ADD1: variants seen among roughly 807,000 people sequenced by gnomAD.
ADD1 encodes adducin 1, also known as alpha-adducin.
Under a neutral mutation model 80.5 loss-of-function variants are expected in ADD1, and 24 were observed. The ratio of observed to expected loss-of-function variants is 0.30; its 90% CI spans 0.22 to 0.42. The LOEUF is 0.42. ADD1 is among the 10% of genes least tolerant of loss of function. The probability of loss-of-function intolerance (pLI) is 1.00; values close to 1 mark genes in which losing one functional copy is unlikely to be tolerated. For synonymous variants in ADD1, 373 were observed against 393.8 expected (o/e 0.95, Z 0.63); for missense variants, 948 against 1,019.0 (o/e 0.93, Z 0.95).
intron 1 of ADD1, among the ~76,000 whole-genome samples, chr4:2,852,204 T>TTTTTCTTTCTTTCTTTCTTTCCTTTCC (rs1727287046): frequency 6.1e-5 from 3 of 49,132 alleles, no homozygotes; most frequent in African/African-American, 2.4e-4. Context: ...CTTTCCTTTC[T>TTTTTCTTTCTTTCTTTCTTTCCTTTCC]TTCCTTTCCT....
intron 1 of ADD1, among the ~76,000 whole-genome samples, chr4:2,847,675 C>T (rs1726455742): frequency 6.6e-6 from 1 of 152,120 alleles, no homozygotes; most frequent in Non-Finnish European, 1.5e-5. Flanking sequence ...GACATGTGCC[C>T]AAGGTGGTTG....
At chr4:2,914,058 C>CAAAAAAAAAAAAAA (rs775339952) in intron 13 of ADD1, among the ~76,000 whole-genome samples, 33 of 120,538 alleles carry the variant, frequency 2.7e-4, no homozygotes, top group Admixed American at 5.9e-4. Flanking sequence ...GACTCCGTCT[C>CAAAAAAAAAAAAAA]AAAAAAAAAA....
chr4:2,914,069 AAAAAG>A (rs1738550661), intron 13 of ADD1, among the ~76,000 whole-genome samples: 1 of 151,774 alleles, frequency 6.6e-6, no homozygotes, highest in Non-Finnish European at 1.5e-5. Flanking sequence ...AAAAAAAAAA[AAAAAG>A]AAGTGAGCTC....
At chr4:2,852,843 A>T (rs967785027) in intron 1 of ADD1, among the ~76,000 whole-genome samples, 1 of 151,016 alleles carries the variant, frequency 6.6e-6, no homozygotes, top group African/African-American at 2.4e-5. Flanking sequence ...GGGCCTGCAG[A>T]CCCACCCCAC....
At chr4:2,894,521 A>AAG in intron 5 of ADD1, 61 bp from the exon 6 acceptor site, 2 of 1,505,316 alleles carry the variant, frequency 1.3e-6, no homozygotes, top group South Asian at 2.5e-5. Flanking sequence ...AAAAAAAAAA[A>AAG]AAAAGAAAAG....
At chr4:2,906,340 ATTTG>A (rs1214398957) in intron 10 of ADD1, among the ~76,000 whole-genome samples, 3 of 148,160 alleles carry the variant, frequency 2.0e-5, no homozygotes, top group Non-Finnish European at 4.5e-5. Flanking sequence ...CTTTTCTTTC[ATTTG>A]TTTATTTTTT....
chr4:2,897,743 G>A (rs144405249), intron 6 of ADD1, among the ~76,000 whole-genome samples: 1 of 151,900 alleles, frequency 6.6e-6, no homozygotes, highest in Non-Finnish European at 1.5e-5. Context: ...GGCTGACGTC[G>A]AACTTCCAGG....
intron 3 of ADD1, 149 bp downstream of exon 3, chr4:2,882,209 A>G: frequency 2.8e-6 from 2 of 714,062 alleles, no homozygotes; most frequent in East Asian, 6.4e-5. Flanking sequence ...TAGTCATAGT[A>G]AAAGATAGGC....
At chr4:2,855,737 G>C (rs536538540) in intron 1 of ADD1, among the ~76,000 whole-genome samples, 3 of 151,096 alleles carry the variant, frequency 2.0e-5, no homozygotes, top group East Asian at 3.9e-4. Context: ...TTCTCACTCT[G>C]TTGCCCAGGC....
chr4:2,926,464 C>G lies in ADD1; in HGVS notation c.2047+352C>G, dbSNP rs1711647778. The G allele has an allele frequency of 1.4e-6, 1 of 729,516 alleles. No individual in the cohort carries two copies. Among genetic ancestry groups the G allele is most frequent in the Admixed American group, 2.1e-5 (1 of 48,710 alleles). The allele number at this position is 729,516 out of a possible 1,614,324, so 45.2% of individuals were successfully genotyped here. A position where few individuals can be genotyped will look rare whatever the true frequency, so the allele number is the denominator to read the frequency against. On this transcript the variant is annotated intron_variant, in intron 15 of 15. Coordinates refer to ENST00000683351, the MANE Select transcript of ADD1 (RefSeq NM_001354761.2). This position sits in a 1 kb window ranked among gnomAD's most constrained non-coding sequence, Gnocchi z 5.0. Reference sequence around the variant, plus strand: ...TGTGTGAGCCACACGCCGGCTGCCTCTCAGCCACCGTGTGTCTGTGGTGTG... The same window carrying G: ...TGTGTGAGCCACACGCCGGCTGCCTGTCAGCCACCGTGTGTCTGTGGTGTG...
At position 2,926,774 on chromosome 4, in the gene ADD1, A is replaced by T; in HGVS notation, c.2047+662A>T. On this transcript the variant is annotated intron_variant, in intron 15 of 15. Transcript: ENST00000683351. The surrounding 1 kb of genome is among the most constrained non-coding windows in gnomAD (Gnocchi z 5.0). The stretch of plus-strand genomic sequence containing the variant: ...ATTAAGTTTTGTTTTCTGTTTATTT[A>T]AAATAAAAACAGAAGCCCCCCTTTT... The T allele has an allele frequency of 7.2e-7, 1 of 1,390,900 alleles. No homozygotes were observed. Among genetic ancestry groups the T allele is most frequent in the Non-Finnish European group, 9.9e-7 (1 of 1,011,668 alleles). 86.2% of individuals were successfully genotyped at this position (1,390,900 alleles called of 1,614,324 possible).
rs761695440 is a variant in ADD1 at position 2,909,413 on chromosome 4, ATC to A, written c.1781_1782del (p.Ser594PhefsTer2). 9.7e-6 allele frequency: 15 copies of A among 1,548,384 alleles called. No homozygotes were observed. Among genetic ancestry groups the A allele is most frequent in the East Asian group, 2.5e-5 (1 of 40,778 alleles). On this transcript the variant is annotated frameshift_variant, in exon 13 of 16. Transcript: ENST00000683351. LOFTEE classifies it high-confidence loss of function. ...CAGAGCAGACCTTTAGTCCCGCTAA[ATC>A]TCTCTCTTTTAGAAAGGTACTCACT... ...LTEQTFSPAK[S>X]LSFRKGELVT...
intron 4 of ADD1, among the ~76,000 whole-genome samples, chr4:2,886,409 C>A (rs1733376644): frequency 6.6e-6 from 1 of 152,188 alleles, no homozygotes; most frequent in African/African-American, 2.4e-5. Flanking sequence ...TCCATCTGTT[C>A]TTGTTTCCGC....
At chr4:2,924,239 A>C (rs888809962) in intron 14 of ADD1, among the ~76,000 whole-genome samples, 2 of 152,204 alleles carry the variant, frequency 1.3e-5, no homozygotes, top group African/African-American at 4.8e-5. Flanking sequence ...AGGTGGTTTC[A>C]AATGTCAGGC....
chr4:2,881,162 C>G (rs761164779), intron 2 of ADD1, among the ~76,000 whole-genome samples: 1 of 143,296 alleles, frequency 7.0e-6, no homozygotes, highest in Non-Finnish European at 1.5e-5. Flanking sequence ...ACTGCAACCT[C>G]TGCCTCCTGG....
intron 14 of ADD1, among the ~76,000 whole-genome samples, chr4:2,922,983 T>TC (rs1413395940): frequency 6.6e-6 from 1 of 152,008 alleles, no homozygotes; most frequent in Admixed American, 6.6e-5. Flanking sequence ...TGGATGCCCC[T>TC]CCCCCCACCA....
intron 14 of ADD1, among the ~76,000 whole-genome samples, chr4:2,918,833 G>T (rs1360425366): frequency 2.0e-5 from 3 of 150,596 alleles, no homozygotes; most frequent in East Asian, 1.9e-4. Flanking sequence ...TTTGCATATG[G>T]TTTTTTTGTT....
At chr4:2,880,106 T>C (rs982806780) in intron 2 of ADD1, among the ~76,000 whole-genome samples, 1 of 152,192 alleles carries the variant, frequency 6.6e-6, no homozygotes, top group African/African-American at 2.4e-5. Context: ...TTTGTTTTTT[T>C]CCTTTGTTTA....
rs747885545 is a variant in ADD1 at position 2,928,487 on chromosome 4, C to T, written c.2364C>T (p.Ser788=). The T allele has an allele frequency of 1.9e-6, 3 of 1,613,608 alleles. No individual in the cohort carries two copies. Among genetic ancestry groups the T allele is most frequent in the Non-Finnish European group, 8.5e-7 (1 of 1,179,996 alleles). Residue 788 remains serine, a synonymous_variant, in exon 16 of 16, where the codon TCC becomes TCT. Coordinates refer to ENST00000683351, the MANE Select transcript of ADD1 (RefSeq NM_001354761.2). ...AGAAGAAGAAGTTCCGTACCCCGTC[C>T]TTTCTGAAGAAGAGCAAGAAGAAGA... ...SKKKKKFRTP[S]FLKKSKKKSD...
Sources: gnomAD v4.1 joint callset for allele counts (sites outside exome capture counted in the v4.1 genomes callset) on GRCh38, gnomAD v4.1.1 for gene constraint, Gnocchi (gnomAD v3.1) non-coding constraint, MANE v1.5 for transcripts, NCBI Gene and HGNC (gene_info 2026-07-23, HGNC 2026-07-21) for gene names.